The following PSMD14 variants were observed in gnomAD, a reference collection of about 807,000 sequenced individuals.
PSMD14 encodes the protein ubiquitin C-terminal hydrolase PSMD14.
PSMD14 carries 7 observed loss-of-function variants against 41.2 expected under a neutral mutation model. That is an observed-to-expected ratio of 0.17 (90% CI 0.10 to 0.32). The LOEUF (loss-of-function observed/expected upper bound fraction) is 0.32, where lower values mean the gene tolerates loss of function less well. PSMD14 is among the 10% of genes least tolerant of loss of function. PSMD14 has a pLI of 1.00. For synonymous variants in PSMD14, 114 were observed against 122.3 expected, an observed-to-expected ratio of 0.93 and a Z score of 0.45; for missense variants, 139 against 375.6, an observed-to-expected ratio of 0.37 and a Z score of 5.21.
chr2:161,355,431 G>A (rs1011610932), intron 3 of PSMD14, among the ~76,000 whole-genome samples: 25 of 151,968 alleles, frequency 1.6e-4, no homozygotes, highest in Admixed American at 1.1e-3. Flanking sequence ...TTATATAATT[G>A]CATTTTATTT....
chr2:161,381,220 A>C (rs1467983059), intron 7 of PSMD14: 1 of 149,518 alleles, frequency 6.7e-6, no homozygotes, highest in East Asian at 1.9e-4. Context: ...GAACTGAATA[A>C]TTTTTATTAT....
chr2:161,392,182 C>G (rs1347070901), intron 9 of PSMD14, among the ~76,000 whole-genome samples: 1 of 152,108 alleles, frequency 6.6e-6, no homozygotes, highest in Non-Finnish European at 1.5e-5. Context: ...CAGTTTCCCC[C>G]CTTTACTATT....
At chr2:161,384,595 A>G (rs1263862869) in intron 7 of PSMD14, 1 of 151,790 alleles carries the variant, frequency 6.6e-6, no homozygotes, top group Non-Finnish European at 1.5e-5. Context: ...CATGTGATAA[A>G]TCTATTGAGT....
intron 11 of PSMD14, among the ~76,000 whole-genome samples, chr2:161,410,361 A>C (rs755056381): frequency 6.6e-6 from 1 of 152,102 alleles, no homozygotes; most frequent in Non-Finnish European, 1.5e-5. Context: ...CATGGCCAAG[A>C]AATAATTCCA....
intron 3 of PSMD14, among the ~76,000 whole-genome samples, chr2:161,350,083 A>G (rs1415325051): frequency 6.6e-6 from 1 of 152,232 alleles, no homozygotes; most frequent in East Asian, 1.9e-4. Context: ...ACATTTTTAA[A>G]GAAATGTTGG....
chr2:161,402,142 A>G (rs1207293453), intron 10 of PSMD14, among the ~76,000 whole-genome samples: 1 of 152,212 alleles, frequency 6.6e-6, no homozygotes, highest in African/African-American at 2.4e-5. Context: ...TCGCATTGCC[A>G]GTTCCACTGC....
chr2:161,356,516 G>A (rs1039041972), intron 3 of PSMD14, among the ~76,000 whole-genome samples: 1 of 151,970 alleles, frequency 6.6e-6, no homozygotes, highest in Non-Finnish European at 1.5e-5. Context: ...AAAATTTGTT[G>A]AGGGTTATAT....
At chr2:161,386,806 A>G (rs1453284862) in intron 8 of PSMD14, among the ~76,000 whole-genome samples, 1 of 151,902 alleles carries the variant, frequency 6.6e-6, no homozygotes, top group Non-Finnish European at 1.5e-5. Context: ...ACTACATGGT[A>G]TGTTTCTGCC....
intron 3 of PSMD14, among the ~76,000 whole-genome samples, chr2:161,321,308 T>C (rs1365926983): frequency 2.6e-5 from 4 of 152,330 alleles, no homozygotes; most frequent in African/African-American, 9.6e-5. Flanking sequence ...GAGAGTTCCT[T>C]AAGGTTATTT....
At chr2:161,386,804 G>C (rs1317303756) in intron 8 of PSMD14, among the ~76,000 whole-genome samples, 2 of 151,856 alleles carry the variant, frequency 1.3e-5, no homozygotes, top group Admixed American at 1.3e-4. Context: ...TTACTACATG[G>C]TATGTTTCTG....
chr2:161,323,028 A>G (rs967963664), intron 3 of PSMD14, among the ~76,000 whole-genome samples: 1 of 152,092 alleles, frequency 6.6e-6, no homozygotes, highest in African/African-American at 2.4e-5. Context: ...GTATCCAAAA[A>G]CCAAAACTCT....
chr2:161,339,863 T>C (rs1248191543), intron 3 of PSMD14, among the ~76,000 whole-genome samples: 3 of 152,278 alleles, frequency 2.0e-5, no homozygotes, highest in Non-Finnish European at 4.4e-5. Flanking sequence ...ATGCTGGACA[T>C]TCCCCAGCCT....
At position 161,309,549 on chromosome 2, in the gene PSMD14, AAC is replaced by A. The variant is rs201642231; in HGVS notation, c.-138+949_-138+950del. Among the ~76,000 whole-genome samples the A allele has an allele frequency of 9.4e-4, 143 of 152,324 alleles. 2 individuals carry two copies. In the East Asian group the frequency reaches 0.024, roughly 25 times the overall value. ...ATACTGTAGAAATAACAAAAACATG[AAC>A]ACAGTTTTAGTGGAGATGATTAATA... On this transcript the variant is annotated intron_variant, in intron 1 of 11. Coordinates refer to ENST00000409682, the MANE Select transcript of PSMD14 (RefSeq NM_005805.6).
At chr2:161,372,847 T>A (rs1683455724) in intron 7 of PSMD14, among the ~76,000 whole-genome samples, 1 of 151,924 alleles carries the variant, frequency 6.6e-6, no homozygotes, top group South Asian at 2.1e-4. Flanking sequence ...CCACAATATT[T>A]ACAAGTAATA....
At chr2:161,394,997 T>C in intron 9 of PSMD14, 81 bp from the exon 10 acceptor site, 1 of 1,219,358 alleles carries the variant, frequency 8.2e-7, no homozygotes, top group Non-Finnish European at 1.1e-6. Context: ...TGTTTTTTTT[T>C]TTTTGAAGTT....
chr2:161,312,559 C>A (rs1689102243), intron 1 of PSMD14, among the ~76,000 whole-genome samples: 1 of 152,090 alleles, frequency 6.6e-6, no homozygotes, highest in South Asian at 2.1e-4. Context: ...AGTACTGATA[C>A]CTTTTTTGTA....
chr2:161,393,136 C>G (rs1208390701), intron 9 of PSMD14, among the ~76,000 whole-genome samples: 1 of 152,110 alleles, frequency 6.6e-6, no homozygotes. Flanking sequence ...CAGCCTTACT[C>G]GAGGGTCGCA....
At chr2:161,367,933 G>C in intron 5 of PSMD14, 30 bp downstream of exon 5, 1 of 1,593,492 alleles carries the variant, frequency 6.3e-7, no homozygotes, top group Non-Finnish European at 8.6e-7. Context: ...CCTGCTGCAA[G>C]TAAATGTGTT....
intron 10 of PSMD14, among the ~76,000 whole-genome samples, chr2:161,406,667 C>G (rs915106025): frequency 2.0e-5 from 3 of 152,142 alleles, no homozygotes; most frequent in African/African-American, 7.2e-5. Flanking sequence ...TATGCTTACT[C>G]TTTTGTCATG....
Sources: allele counts gnomAD v4.1 joint callset (sites outside exome capture counted in the v4.1 genomes callset), GRCh38; gene constraint gnomAD v4.1.1; transcripts MANE v1.5; gene names NCBI Gene and HGNC (gene_info 2026-07-23, HGNC 2026-07-21).